The following SLC36A2 variants were observed in gnomAD, a reference collection of about 807,000 sequenced individuals.
SLC36A2 encodes the protein proton-coupled amino acid transporter 2.
Under a neutral mutation model 42.7 loss-of-function variants are expected in SLC36A2, and 39 were observed. The ratio of observed to expected loss-of-function variants is 0.91; its 90% CI spans 0.71 to 1.19. SLC36A2 has a LOEUF of 1.19. SLC36A2 is among the 50% of genes most tolerant of loss of function. The probability of loss-of-function intolerance (pLI) is 0.00; values close to 1 mark genes in which losing one functional copy is unlikely to be tolerated. For missense variants in SLC36A2, 590 were observed against 613.7 expected, an observed-to-expected ratio of 0.96 and a Z score of 0.41; for synonymous variants, 237 against 240.8, an observed-to-expected ratio of 0.98 and a Z score of 0.15.
rs796464175 is a variant in SLC36A2, at chr5:151,318,525, T to TA, written c.1181-1438dup. 4.8e-4 allele frequency among the ~76,000 whole-genome samples: 68 copies of TA among 141,248 alleles called. 2 individuals are homozygous for TA. The highest frequency in any genetic ancestry group is 1.3e-3 in the South Asian group (6 of 4,574). The allele number at this position is 141,248 out of a possible 152,430, so 92.7% of individuals were successfully genotyped here. A position where few individuals can be genotyped will look rare whatever the true frequency, so the allele number is the denominator to read the frequency against. The stretch of plus-strand genomic sequence containing the variant: ...TAAAAATAAATAATAAATAAAAATA[T>TA]AATAATTATTTATAAATATTTATTT... On this transcript the variant is annotated intron_variant, in intron 9 of 9. Transcript: ENST00000335244.
chr5:151,347,170 C>T, intron 1 of SLC36A2, 127 bp downstream of exon 1: 1 of 1,188,036 alleles, frequency 8.4e-7, no homozygotes, highest in South Asian at 1.2e-5. Flanking sequence ...CATGACTGCA[C>T]CTTTTGCAAC....
intron 7 of SLC36A2, among the ~76,000 whole-genome samples, chr5:151,330,250 A>G (rs1189351509): frequency 6.6e-6 from 1 of 152,202 alleles, no homozygotes; most frequent in African/African-American, 2.4e-5. Context: ...AAGAAACTAT[A>G]TTAAATATAA....
rs760517082 is a variant in SLC36A2, at chr5:151,322,216, C to G, written c.1011-1G>C. The G allele has an allele frequency of 6.2e-7, 1 of 1,613,862 alleles. No individual in the cohort carries two copies. Among genetic ancestry groups the G allele is most frequent in the African/African-American group, 1.3e-5 (1 of 74,934 alleles). On this transcript the variant is annotated splice_acceptor_variant, in intron 8 of 9. Coordinates refer to ENST00000335244, the MANE Select transcript of SLC36A2 (RefSeq NM_181776.3). LOFTEE classifies it high-confidence loss of function. Reference sequence around the variant, plus strand: ...GAGAAGCTTGACAGACTGGTACAGCCTGCAAGACAAACCACAGAGCTGCTC... The same window carrying G: ...GAGAAGCTTGACAGACTGGTACAGCGTGCAAGACAAACCACAGAGCTGCTC...
intron 8 of SLC36A2, among the ~76,000 whole-genome samples, chr5:151,324,495 G>A (rs1356685700): frequency 6.6e-6 from 1 of 152,110 alleles, no homozygotes. Flanking sequence ...ACCATGCCCG[G>A]CTAATTTTGT....
chr5:151,335,603 G>T, intron 5 of SLC36A2, 56 bp from the exon 6 acceptor site: 2 of 1,266,858 alleles, frequency 1.6e-6, no homozygotes, highest in Non-Finnish European at 2.3e-6. Context: ...CTAACCTCAT[G>T]GTTGACTCAG....
chr5:151,347,424 C>T lies in SLC36A2; in HGVS notation c.37G>A (p.Ala13Thr), dbSNP rs979947998. The T allele has an allele frequency of 1.2e-6, 2 of 1,614,086 alleles. No individual in the cohort carries two copies. The highest frequency in any genetic ancestry group is 1.3e-5 in the African/African-American group (1 of 74,940). The part of the protein sequence containing the change: ...VTKSTEGPQG[A>T]VAIKLDLMSP... Reference sequence around the variant, plus strand: ...ATAAGGTCCAATTTGATGGCAACGGCTCCCTGGGGACCCTCAGTACTTTTT... The same window carrying T: ...ATAAGGTCCAATTTGATGGCAACGGTTCCCTGGGGACCCTCAGTACTTTTT... The change falls in exon 1 of 10, where the codon GCC (alanine) becomes ACC (threonine). Residue 13 changes from alanine (A) to threonine (T), a missense_variant. Ala to Thr is a moderately conservative substitution (Grantham distance 58). Coordinates refer to ENST00000335244, the MANE Select transcript of SLC36A2 (RefSeq NM_181776.3).
At chr5:151,321,845 T>G in intron 9 of SLC36A2, 3 of 565,338 alleles carry the variant, frequency 5.3e-6, no homozygotes, top group East Asian at 3.5e-5. Flanking sequence ...GCCTGGTTAA[T>G]TGTTGTATTT....
intron 5 of SLC36A2, among the ~76,000 whole-genome samples, chr5:151,337,742 G>A (rs1756200619): frequency 6.6e-6 from 1 of 152,066 alleles, no homozygotes; most frequent in Admixed American, 6.6e-5. Context: ...GGGAAATAAG[G>A]GAAATGTCCA....
At chr5:151,330,117 G>A (rs1755958293) in intron 7 of SLC36A2, among the ~76,000 whole-genome samples, 1 of 151,992 alleles carries the variant, frequency 6.6e-6, no homozygotes, top group African/African-American at 2.4e-5. Context: ...TGGGATCTCC[G>A]ATGGAGAAGA....
chr5:151,335,616 C>T (rs1001743229), intron 5 of SLC36A2, 69 bp from the exon 6 acceptor site: 2 of 1,132,452 alleles, frequency 1.8e-6, no homozygotes, highest in African/African-American at 3.1e-5. Flanking sequence ...TGACTCAGTG[C>T]CTTGCCCCTA....
chr5:151,316,852 G>T lies in SLC36A2; in HGVS notation c.1417C>A (p.His473Asn). ...LDELLKSEDSHPFSNSTTFVR is the reference protein window; with the variant it reads ...LDELLKSEDSNPFSNSTTFVR ...AAAGTGGTGGAGTTGGAAAAGGGGT[G>T]AGAGTCTTCTGACTTGAGCAGCTCG... The change falls in exon 10 of 10, where the codon CAC (histidine) becomes AAC (asparagine). Residue 473 changes from histidine to asparagine, a missense_variant. By Grantham distance (68) the His-to-Asn change is moderately conservative. Transcript: ENST00000335244. 6 of 1,614,144 alleles carry T rather than the reference G, an allele frequency of 3.7e-6. No individual in the cohort carries two copies. Among genetic ancestry groups the T allele is most frequent in the Non-Finnish European group, 5.1e-6 (6 of 1,180,036 alleles).
intron 4 of SLC36A2, among the ~76,000 whole-genome samples, chr5:151,341,445 T>C (rs1756343339): frequency 6.6e-6 from 1 of 151,958 alleles, no homozygotes. Flanking sequence ...ACTGCAGCAG[T>C]TTAGGGAAGC....
chr5:151,338,327 T>A (rs1322082120), intron 5 of SLC36A2, among the ~76,000 whole-genome samples: 2 of 152,210 alleles, frequency 1.3e-5, no homozygotes, highest in Non-Finnish European at 2.9e-5. Context: ...TAAGAGAATT[T>A]CTAGGTTAGA....
At chr5:151,318,506 T>C (rs1432852287) in intron 9 of SLC36A2, among the ~76,000 whole-genome samples, 1 of 122,538 alleles carries the variant, frequency 8.2e-6, no homozygotes, top group Admixed American at 7.8e-5. Flanking sequence ...ATAATAAAAA[T>C]AAATAATAAA....
intron 9 of SLC36A2, among the ~76,000 whole-genome samples, chr5:151,320,300 C>T (rs1404744056): frequency 4.0e-5 from 6 of 151,768 alleles, no homozygotes; most frequent in Non-Finnish European, 8.8e-5. Flanking sequence ...CTTTTAGTTT[C>T]TCTGAATCAA....
intron 4 of SLC36A2, 61 bp downstream of exon 4, chr5:151,342,827 G>A: frequency 7.0e-7 from 1 of 1,422,634 alleles, no homozygotes; most frequent in Non-Finnish European, 9.9e-7. Flanking sequence ...AAGTCACCCT[G>A]ATAGCAGCAT....
intron 6 of SLC36A2, 111 bp downstream of exon 6, chr5:151,335,218 C>T (rs1756116603): frequency 1.3e-6 from 1 of 764,824 alleles, no homozygotes; most frequent in Non-Finnish European, 2.3e-6. Context: ...GCATGTCTCT[C>T]ATAACACTCT....
At chr5:151,343,466 A>G in intron 3 of SLC36A2, 44 bp downstream of exon 3, 1 of 1,572,730 alleles carries the variant, frequency 6.4e-7, no homozygotes, top group Non-Finnish European at 8.8e-7. Flanking sequence ...ATCCCTGAGA[A>G]CCATGCACCA....
chr5:151,326,892 ACCTCTG>A (rs1186760559), intron 7 of SLC36A2, among the ~76,000 whole-genome samples: 1 of 149,004 alleles, frequency 6.7e-6, no homozygotes, highest in Non-Finnish European at 1.5e-5. Context: ...GTTCACTGCA[ACCTCTG>A]CCTCCCGAGC....
Sources: allele counts gnomAD v4.1 joint callset (sites outside exome capture counted in the v4.1 genomes callset), GRCh38; gene constraint gnomAD v4.1.1; transcripts MANE v1.5; gene names NCBI Gene and HGNC (gene_info 2026-07-23, HGNC 2026-07-21).